The following TERT variants were observed in gnomAD, a reference collection of about 807,000 sequenced individuals.
TERT encodes the protein telomerase catalytic subunit.
A neutral mutation model predicts 104.0 loss-of-function variants in TERT; 42 were observed. The observed-to-expected ratio is 0.40, with a 90% CI of 0.32 to 0.52. The LOEUF (loss-of-function observed/expected upper bound fraction) is 0.52, where lower values mean the gene tolerates loss of function less well. Among genes scored for constraint, TERT ranks in the 20% least tolerant of loss-of-function variants. The pLI is 0.43. For missense variants in TERT, 1,101 were observed against 1,610.3 expected (o/e 0.68, Z 5.41); for synonymous variants, 781 against 725.6 (o/e 1.08, Z -1.23).
chr5:1,286,910 CA>C lies in TERT; in HGVS notation c.1574-4287del, dbSNP rs1216469167. ...AAGCAAACAACGACAATAAAAAGAT[CA>C]GGGGGTAACACTAAGCAAAGAGAAA... is the stretch of plus-strand genomic sequence containing the variant. On this transcript the variant is annotated intron_variant, in intron 2 of 15. Coordinates refer to ENST00000310581, the MANE Select transcript of TERT (RefSeq NM_198253.3). The surrounding 1 kb of genome is among the most constrained non-coding windows in gnomAD (Gnocchi z 5.3). Among the ~76,000 whole-genome samples, 1 of 151,934 alleles carries C rather than the reference CA, an allele frequency of 6.6e-6. No homozygotes were observed. The highest frequency in any genetic ancestry group is 1.5e-5 in the Non-Finnish European group (1 of 67,966).
intron 10 of TERT, 25 bp from the exon 11 acceptor site, chr5:1,264,617 C>A (rs1473050792): frequency 1.9e-6 from 3 of 1,613,396 alleles, no homozygotes; most frequent in Non-Finnish European, 2.5e-6. Flanking sequence ...CAATGTCAGC[C>A]CCAGGATGCG....
chr5:1,278,939 G>A (rs1749809632), intron 5 of TERT, 143 bp from the exon 6 acceptor site: 2 of 1,198,496 alleles, frequency 1.7e-6, no homozygotes, highest in East Asian at 2.5e-5. Flanking sequence ...GGCGGGCTGT[G>A]TCCCCTCTCT....
At chr5:1,272,634 A>C (rs1749158654) in intron 6 of TERT, among the ~76,000 whole-genome samples, 1 of 51,456 alleles carries the variant, frequency 1.9e-5, no homozygotes, top group Non-Finnish European at 4.7e-5. Flanking sequence ...ACCGCCATCC[A>C]CAGTCACCAC....
chr5:1,258,808 G>T, intron 12 of TERT, 149 bp from the exon 13 acceptor site: 2 of 795,510 alleles, frequency 2.5e-6, no homozygotes, highest in Non-Finnish European at 4.2e-6. Context: ...ATCCGGCCTG[G>T]CCCTCACCCG....
chr5:1,271,868 G>C (rs572898109), intron 7 of TERT, among the ~76,000 whole-genome samples: 1 of 152,240 alleles, frequency 6.6e-6, no homozygotes, highest in African/African-American at 2.4e-5. Flanking sequence ...CTAAAGGAGG[G>C]GGACACCTTT....
chr5:1,260,674 A>G, intron 11 of TERT, 74 bp from the exon 12 acceptor site: 1 of 1,598,512 alleles, frequency 6.3e-7, no homozygotes, highest in Non-Finnish European at 8.5e-7. Context: ...GCTTGCTCCA[A>G]AGAGCCTCCT....
chr5:1,282,608 C>G lies in TERT; in HGVS notation c.1590G>C (p.Pro530=), dbSNP rs1396912668. Reference sequence around the variant, plus strand: ...CCTCACGCAGACGGTGCTCTGCGGCCGGAACACAGCCAACCCCTTAAACGA... The same window carrying G: ...CCTCACGCAGACGGTGCTCTGCGGCGGGAACACAGCCAACCCCTTAAACGA... ...LRRSPGVGCV[P]AAEHRLREEI... Residue 530 remains proline, a synonymous_variant, in exon 3 of 16, where the codon CCG becomes CCC. Transcript: ENST00000310581. 1.2e-5 allele frequency: 19 copies of G among 1,614,012 alleles called. No homozygotes were observed. Among genetic ancestry groups the G allele is most frequent in the Non-Finnish European group, 1.5e-5 (18 of 1,180,006 alleles).
chr5:1,253,890 C>T, intron 15 of TERT, 59 bp from the exon 16 acceptor site: 9 of 1,544,622 alleles, frequency 5.8e-6, no homozygotes, highest in Non-Finnish European at 7.9e-6. Flanking sequence ...TCCTCCAACC[C>T]TCCTAGGACG....
Position 1,272,218 on chromosome 5 carries a change from G to A in TERT, c.2349C>T (p.Thr783=). ...TGACGACGGCATCCCTCAGCGGGCT[G>A]GTCTCCTGCAGGTGAGCCACGAACT... ...MRQFVAHLQE[T]SPLRDAVVIE... The change falls in exon 7 of 16, where the codon ACC becomes ACT. Residue 783 remains threonine (T), a synonymous_variant. Coordinates refer to ENST00000310581, the MANE Select transcript of TERT (RefSeq NM_198253.3). 5 of 1,612,864 alleles carry A rather than the reference G, an allele frequency of 3.1e-6. No homozygotes were observed. The highest frequency in any genetic ancestry group is 4.2e-6 in the Non-Finnish European group (5 of 1,179,884).
chr5:1,272,559 G>A lies in TERT; in HGVS notation c.2287-279C>T, dbSNP rs1056685288. ...AGTCACCACATCAGACCCCACGACC[G>A]CCATCCACAGTCACCACATCAGACC... is the stretch of plus-strand genomic sequence containing the variant. On this transcript the variant is annotated intron_variant, in intron 6 of 15. Transcript: ENST00000310581. 2.7e-4 allele frequency among the ~76,000 whole-genome samples: 27 copies of A among 101,080 alleles called. 1 individual carries two copies. The highest frequency in any genetic ancestry group is 3.8e-4 in the Non-Finnish European group (19 of 49,990). 66.3% of individuals were successfully genotyped at this position (101,080 alleles called of 152,430 possible).
At chr5:1,271,390 C>A (rs1749023361) in intron 7 of TERT, among the ~76,000 whole-genome samples, 186 bp from the exon 8 acceptor site, 1 of 152,234 alleles carries the variant, frequency 6.6e-6, no homozygotes, top group Non-Finnish European at 1.5e-5. Context: ...TGGGCTTAGG[C>A]AGAGTGTGTG....
chr5:1,285,565 ATTTTTT>A (rs1170336173), intron 2 of TERT, among the ~76,000 whole-genome samples: 3 of 82,184 alleles, frequency 3.7e-5, no homozygotes, highest in South Asian at 4.9e-4. Flanking sequence ...GGCTACTAGA[ATTTTTT>A]TTTTTTTTTT....
chr5:1,253,432 G>GCTGA lies in TERT; in HGVS notation c.*295_*296insTCAG. Reference sequence around the variant, plus strand: ...GACTATTCCTATGTGGGGAGTGGAAGCCGGGCTCCTGGTGAGGAAAAGCTG... The same window carrying GCTGA: ...GACTATTCCTATGTGGGGAGTGGAAGCTGACCGGGCTCCTGGTGAGGAAAAGCTG... On this transcript the variant is annotated 3_prime_UTR_variant, in exon 16 of 16. Transcript: ENST00000310581. 1 of 544,218 alleles carries GCTGA rather than the reference G, an allele frequency of 1.8e-6. No individual in the cohort carries two copies. Among genetic ancestry groups the GCTGA allele is most frequent in the South Asian group, 2.1e-5 (1 of 48,404 alleles). The allele number at this position is 544,218 out of a possible 1,614,324, so 33.7% of individuals were successfully genotyped here. A position where few individuals can be genotyped will look rare whatever the true frequency, so the allele number is the denominator to read the frequency against.
At position 1,288,433 on chromosome 5, in the gene TERT, G is replaced by A. The variant is rs1034129819; in HGVS notation, c.1573+4880C>T. Among the ~76,000 whole-genome samples, 5 of 152,174 alleles carry A rather than the reference G, an allele frequency of 3.3e-5. No homozygotes were observed. The highest frequency in any genetic ancestry group is 1.9e-4 in the East Asian group (1 of 5,190). ...CCAAGAGGGAAGTCTGACGAAGGCT[G>A]GCGGAGACACCGGCCCTCCACGTGG... On this transcript the variant is annotated intron_variant, in intron 2 of 15. Transcript: ENST00000310581. The surrounding 1 kb of genome is among the most constrained non-coding windows in gnomAD (Gnocchi z 5.3).
intron 10 of TERT, among the ~76,000 whole-genome samples, chr5:1,266,193 C>T (rs1024732770): frequency 1.3e-5 from 2 of 152,198 alleles, no homozygotes; most frequent in African/African-American, 4.8e-5. Context: ...GCAGCAGGAG[C>T]CAGGTCACCG....
At chr5:1,272,586 T>TGACCA (rs1561198016) in intron 6 of TERT, among the ~76,000 whole-genome samples, 2 of 16,548 alleles carry the variant, frequency 1.2e-4, no homozygotes, top group Non-Finnish European at 1.2e-4. Context: ...CATCAGACCC[T>TGACCA]ACGACCGCCA....
rs1481033736 is a variant in TERT, at chr5:1,287,804, A to G, written c.1574-5180T>C. ...GAATTTCATGCATCTAGAAGGAGAC[A>G]GAAGCTTTGCACTGGACCTTAATAA... is the stretch of plus-strand genomic sequence containing the variant. On this transcript the variant is annotated intron_variant, in intron 2 of 15. Transcript: ENST00000310581. The surrounding 1 kb of genome is among the most constrained non-coding windows in gnomAD (Gnocchi z 4.3). Among the ~76,000 whole-genome samples the G allele has an allele frequency of 1.3e-5, 2 of 152,100 alleles. No homozygotes were observed. The highest frequency in any genetic ancestry group is 2.9e-5 in the Non-Finnish European group (2 of 68,022).
At position 1,253,782 on chromosome 5, in the gene TERT, C is replaced by T. The variant is rs1420549931; in HGVS notation, c.3345G>A (p.Leu1115=). The T allele has an allele frequency of 6.2e-7, 1 of 1,612,246 alleles. No homozygotes were observed. Among genetic ancestry groups the T allele is most frequent in the Non-Finnish European group, 8.5e-7 (1 of 1,179,812 alleles). The part of the protein sequence containing the change: ...RKLPGTTLTA[L]EAAANPALPS... ...GCAGTGCCGGGTTGGCTGCGGCCTC[C>T]AGGGCAGTCAGCGTCGTCCCCGGGA... is the stretch of plus-strand genomic sequence containing the variant. The change falls in exon 16 of 16, where the codon CTG becomes CTA. Residue 1115 remains leucine, a synonymous_variant. Coordinates refer to ENST00000310581, the MANE Select transcript of TERT (RefSeq NM_198253.3).
In TERT at chr5:1,270,597, G is replaced by A. The variant is rs1051354857; in HGVS notation, c.2468+522C>T. Among the ~76,000 whole-genome samples, 3 of 152,332 alleles carry A rather than the reference G, an allele frequency of 2.0e-5. No homozygotes were observed. Among genetic ancestry groups the A allele is most frequent in the Middle Eastern group, 3.4e-3 (1 of 294 alleles). On this transcript the variant is annotated intron_variant, in intron 8 of 15. Coordinates refer to ENST00000310581, the MANE Select transcript of TERT (RefSeq NM_198253.3). This position sits in a 1 kb window ranked among gnomAD's most constrained non-coding sequence, Gnocchi z 8.3. ...CCCATGGCCACCACAGGCCCCCCGA[G>A]AGGAGCAAACTACACGGTCAACCCC...
Sources: gnomAD v4.1 joint callset for allele counts (sites outside exome capture counted in the v4.1 genomes callset) on GRCh38, gnomAD v4.1.1 for gene constraint, Gnocchi (gnomAD v3.1) non-coding constraint, MANE v1.5 for transcripts, NCBI Gene and HGNC (gene_info 2026-07-23, HGNC 2026-07-21) for gene names.